Variants in CAMKK2 observed in about 807,000 individuals in gnomAD.
The protein encoded by CAMKK2 is calcium/calmodulin dependent protein kinase kinase 2, also known as calcium/calmodulin-dependent protein kinase kinase 2.
Under a neutral mutation model 67.2 loss-of-function variants are expected in CAMKK2, and 30 were observed. The observed-to-expected ratio is 0.45, with a 90% confidence interval of 0.33 to 0.61. The LOEUF is 0.61. Among genes scored for constraint, CAMKK2 ranks in the 20% least tolerant of loss-of-function variants. The pLI is 0.02. For synonymous variants in CAMKK2, 322 were observed against 326.2 expected (o/e 0.99, Z 0.14); for missense variants, 643 against 802.0 (o/e 0.80, Z 2.39).
chr12:121,297,682 A>C, upstream of CAMKK2: 1 of 518,156 alleles, frequency 1.9e-6, no homozygotes, highest in South Asian at 1.4e-5. Flanking sequence ...GACCCTGCCA[A>C]ACAGCCAAAA....
At chr12:121,290,524 C>CA (rs1566147396) in intron 1 of CAMKK2, among the ~76,000 whole-genome samples, 2 of 152,010 alleles carry the variant, frequency 1.3e-5, no homozygotes, top group South Asian at 2.1e-4. Flanking sequence ...CCTGTCTCTA[C>CA]AAAAAAATTA....
At chr12:121,283,782 T>C (rs11831800) in intron 1 of CAMKK2, among the ~76,000 whole-genome samples, 6,900 of 152,142 alleles carry the variant, frequency 0.045, 484 homozygotes, top group African/African-American at 0.16. Context: ...ACCACTGCAC[T>C]CCAGCCTGGG....
At chr12:121,249,755 C>T (rs565124065) in intron 13 of CAMKK2, 32 bp downstream of exon 13, 3 of 1,592,734 alleles carry the variant, frequency 1.9e-6, no homozygotes, top group South Asian at 2.2e-5. Flanking sequence ...CAAACAATTC[C>T]GAGCACGGGG....
At chr12:121,279,420 C>G (rs1462584425) in intron 1 of CAMKK2, among the ~76,000 whole-genome samples, 3 of 152,172 alleles carry the variant, frequency 2.0e-5, no homozygotes, top group African/African-American at 7.2e-5. Context: ...GTCACAGACC[C>G]TACAAAGATC....
intron 1 of CAMKK2, among the ~76,000 whole-genome samples, chr12:121,281,021 T>G (rs911747917): frequency 1.3e-5 from 2 of 152,202 alleles, no homozygotes; most frequent in Admixed American, 6.5e-5. Flanking sequence ...AAATCCCTAA[T>G]AAAAACTTGC....
chr12:121,253,393 A>G lies in CAMKK2; in HGVS notation c.987T>C (p.Ala329=). Residue 329 remains alanine, a synonymous_variant, in exon 10 of 17, where the codon GCT becomes GCC. Coordinates refer to ENST00000404169, the MANE Select transcript of CAMKK2 (RefSeq NM_001270485.2). This position sits in a 1 kb window ranked among gnomAD's most constrained non-coding sequence, Gnocchi z 5.0. ...TGAATTCATTGCTCACACCAAAGTC[A>G]GCGATCTTGATGTGCCCATCTTCTC... ...LVGEDGHIKI[A]DFGVSNEFKG... is the part of the protein sequence containing the mutation. 3.1e-6 allele frequency: 5 copies of G among 1,614,154 alleles called. No homozygotes were observed. Among genetic ancestry groups the G allele is most frequent in the Non-Finnish European group, 3.4e-6 (4 of 1,180,004 alleles).
rs1234449533 is a variant in CAMKK2 at position 121,245,368 on chromosome 12, C to T, written c.1453-128G>A. The T allele has an allele frequency of 9.2e-6, 6 of 654,290 alleles. No individual in the cohort carries two copies. Among genetic ancestry groups the T allele is most frequent in the Non-Finnish European group, 1.7e-5 (6 of 358,642 alleles). The allele number at this position is 654,290 out of a possible 1,614,324, so 40.5% of individuals were successfully genotyped here. A position where few individuals can be genotyped will look rare whatever the true frequency, so the allele number is the denominator to read the frequency against. On this transcript the variant is annotated intron_variant, in intron 14 of 16. Coordinates refer to ENST00000404169, the MANE Select transcript of CAMKK2 (RefSeq NM_001270485.2). This position sits in a 1 kb window ranked among gnomAD's most constrained non-coding sequence, Gnocchi z 5.8. Reference sequence around the variant, plus strand: ...CCCAGGGCTGGTGACCGATGGCAGACTTTGAGAGAAACTGGGCAGCACCAC... The same window carrying T: ...CCCAGGGCTGGTGACCGATGGCAGATTTTGAGAGAAACTGGGCAGCACCAC...
At chr12:121,247,521 G>A (rs1001711433) in intron 14 of CAMKK2, among the ~76,000 whole-genome samples, 6 of 152,228 alleles carry the variant, frequency 3.9e-5, no homozygotes, top group Non-Finnish European at 7.4e-5. Flanking sequence ...GTAACCCACG[G>A]TGGGTGCAGA....
chr12:121,253,554 C>T lies in CAMKK2; in HGVS notation c.908-82G>A, dbSNP rs1891236029. The T allele has an allele frequency of 8.4e-7, 1 of 1,188,320 alleles. No homozygotes were observed. The highest frequency in any genetic ancestry group is 1.3e-6 in the Non-Finnish European group (1 of 799,330). 73.6% of individuals were successfully genotyped at this position (1,188,320 alleles called of 1,614,324 possible). ...TCTATGCGGCCACATGGCCTGGAGA[C>T]ACAGGCATGGCACCCCTCTGATGCC... On this transcript the variant is annotated intron_variant, in intron 9 of 16. Transcript: ENST00000404169. This position sits in a 1 kb window ranked among gnomAD's most constrained non-coding sequence, Gnocchi z 5.0.
At chr12:121,275,679 T>G (rs975214633) in intron 1 of CAMKK2, among the ~76,000 whole-genome samples, 2 of 152,002 alleles carry the variant, frequency 1.3e-5, no homozygotes, top group African/African-American at 4.8e-5. Flanking sequence ...TGCCTAGGAC[T>G]ATGGGGGTGG....
At chr12:121,282,325 C>T (rs577023537) in intron 1 of CAMKK2, among the ~76,000 whole-genome samples, 1 of 152,206 alleles carries the variant, frequency 6.6e-6, no homozygotes, top group East Asian at 1.9e-4. Flanking sequence ...CAGCCCAGGG[C>T]AATGCTACAG....
Position 121,240,524 on chromosome 12 carries a change from CTTTT to C in CAMKK2, c.*171_*174del, listed in dbSNP as rs63023660. The C allele has an allele frequency of 2.0e-6, 3 of 1,471,382 alleles. No homozygotes were observed. The highest frequency in any genetic ancestry group is 4.2e-5 in the Admixed American group (2 of 47,146). The allele number at this position is 1,471,382 out of a possible 1,614,324, so 91.1% of individuals were successfully genotyped here. On this transcript the variant is annotated 3_prime_UTR_variant, in exon 17 of 17. Coordinates refer to ENST00000404169, the MANE Select transcript of CAMKK2 (RefSeq NM_001270485.2). This position sits in a 1 kb window ranked among gnomAD's most constrained non-coding sequence, Gnocchi z 4.4. Reference sequence around the variant, plus strand: ...ACGGTCGACGTCATGGAGTCAAGTCCTTTTTTTTTTTTTGTCCCCTTTAAAACAA... The same window carrying C: ...ACGGTCGACGTCATGGAGTCAAGTCCTTTTTTTTTGTCCCCTTTAAAACAA...
At chr12:121,260,819 G>A (rs531059283) in intron 6 of CAMKK2, among the ~76,000 whole-genome samples, 1 of 152,060 alleles carries the variant, frequency 6.6e-6, no homozygotes, top group African/African-American at 2.4e-5. Context: ...CGGTGTGGTG[G>A]TGCATGCCTG....
At chr12:121,295,790 G>A (rs942032284) in intron 1 of CAMKK2, among the ~76,000 whole-genome samples, 3 of 152,164 alleles carry the variant, frequency 2.0e-5, no homozygotes, top group Non-Finnish European at 4.4e-5. Context: ...GCTGCATCCT[G>A]TCCAGCACTA....
At chr12:121,255,286 A>AAGTT (rs1891820982) in intron 9 of CAMKK2, among the ~76,000 whole-genome samples, 1 of 53,312 alleles carries the variant, frequency 1.9e-5, no homozygotes, top group African/African-American at 8.0e-5. Flanking sequence ...AATTATATAT[A>AAGTT]TAATTATATA....
At chr12:121,257,735 A>T (rs994036234) in intron 7 of CAMKK2, among the ~76,000 whole-genome samples, 3 of 152,166 alleles carry the variant, frequency 2.0e-5, no homozygotes, top group African/African-American at 7.2e-5. Context: ...TTCAGGCTGT[A>T]GTTAAAAACA....
At position 121,245,446 on chromosome 12, in the gene CAMKK2, A is replaced by G. The variant is rs56110810; in HGVS notation, c.1453-206T>C. Among the ~76,000 whole-genome samples the G allele has an allele frequency of 0.093, 14,145 of 152,134 alleles. 940 individuals carry two copies. The highest frequency in any genetic ancestry group is 0.14 in the Non-Finnish European group (9,200 of 67,968). On this transcript the variant is annotated intron_variant, in intron 14 of 16. Coordinates refer to ENST00000404169, the MANE Select transcript of CAMKK2 (RefSeq NM_001270485.2). The surrounding 1 kb of genome is among the most constrained non-coding windows in gnomAD (Gnocchi z 5.8). Reference sequence around the variant, plus strand: ...CCTCTGGGAAAAGGTGCTGTCCTGCACCACACCCTCAGCCACTGCTCAGCG... The same window carrying G: ...CCTCTGGGAAAAGGTGCTGTCCTGCGCCACACCCTCAGCCACTGCTCAGCG...
chr12:121,250,539 A>AG (rs936030038), intron 11 of CAMKK2, among the ~76,000 whole-genome samples: 5 of 152,144 alleles, frequency 3.3e-5, no homozygotes, highest in African/African-American at 1.2e-4. Context: ...CCCACCATGC[A>AG]GGTGTCTGAC....
intron 1 of CAMKK2, among the ~76,000 whole-genome samples, chr12:121,292,787 G>GT (rs1372682457): frequency 1.3e-5 from 2 of 152,058 alleles, no homozygotes; most frequent in Admixed American, 6.6e-5. Flanking sequence ...GGGCAAAATA[G>GT]TAAGACCCTG....
Sources: gnomAD v4.1 joint callset for allele counts (sites outside exome capture counted in the v4.1 genomes callset) on GRCh38, gnomAD v4.1.1 for gene constraint, Gnocchi (gnomAD v3.1) non-coding constraint, MANE v1.5 for transcripts, NCBI Gene and HGNC (gene_info 2026-07-23, HGNC 2026-07-21) for gene names.